VCP: variants seen among roughly 807,000 people sequenced by gnomAD.
The protein encoded by VCP is valosin containing protein.
VCP carries 6 observed loss-of-function variants against 85.7 expected under a neutral mutation model. The ratio of observed to expected loss-of-function variants is 0.07; its 90% CI spans 0.04 to 0.14. The LOEUF (loss-of-function observed/expected upper bound fraction) is 0.14. Ranked by LOEUF, VCP falls within the 10% of genes least tolerant of loss-of-function variation. The pLI is 1.00. For missense variants in VCP, 353 were observed against 1,043.4 expected, an observed-to-expected ratio of 0.34 and a Z score of 9.12; for synonymous variants, 384 against 367.1, an observed-to-expected ratio of 1.05 and a Z score of -0.53.
chr9:35,059,399 A>C lies in VCP; in HGVS notation c.2004+94T>G, dbSNP rs1444682071. On this transcript the variant is annotated intron_variant, in intron 14 of 16. Transcript: ENST00000358901. The surrounding 1 kb of genome is among the most constrained non-coding windows in gnomAD (Gnocchi z 4.9). The stretch of plus-strand genomic sequence containing the variant: ...TCTACCTTCCCTTTAGACCAACCCT[A>C]ACCCCAGTGGAATCTTGTCCAGAAA... 1 of 1,552,466 alleles carries C rather than the reference A, an allele frequency of 6.4e-7. No individual in the cohort carries two copies. The highest frequency in any genetic ancestry group is 1.4e-5 in the African/African-American group (1 of 73,652).
intron 1 of VCP, among the ~76,000 whole-genome samples, chr9:35,070,718 G>A (rs945429840): frequency 6.6e-6 from 1 of 152,222 alleles, no homozygotes; most frequent in Admixed American, 6.5e-5. Context: ...TTACAGGCCT[G>A]AGCCACTGTG....
In VCP at chr9:35,066,745, G is replaced by A. The variant is rs1384433038; in HGVS notation, c.375C>T (p.Gly125=). The A allele has an allele frequency of 1.9e-6, 3 of 1,614,020 alleles. No homozygotes were observed. The highest frequency in any genetic ancestry group is 2.5e-6 in the Non-Finnish European group (3 of 1,180,052). ...ATACCTCGAAGAGATTACCAGTAATGCCTTCCACTGTGTCATCAATGGGCA... is the reference window on the plus strand; with the variant it reads ...ATACCTCGAAGAGATTACCAGTAATACCTTCCACTGTGTCATCAATGGGCA... The part of the protein sequence containing the change: ...HVLPIDDTVE[G]ITGNLFEVYL... Residue 125 remains glycine (G), a synonymous_variant, in exon 4 of 17, where the codon GGC becomes GGT. Coordinates refer to ENST00000358901, the MANE Select transcript of VCP (RefSeq NM_007126.5).
chr9:35,068,446 G>C, intron 1 of VCP, 84 bp from the exon 2 acceptor site: 1 of 1,213,110 alleles, frequency 8.2e-7, no homozygotes, highest in Non-Finnish European at 1.2e-6. Flanking sequence ...GAAAGAAACA[G>C]TGAATAGATG....
intron 7 of VCP, 129 bp downstream of exon 7, chr9:35,062,849 G>A (rs1828752649): frequency 3.4e-6 from 3 of 885,424 alleles, no homozygotes; most frequent in Non-Finnish European, 5.7e-6. Context: ...ACATACCCCA[G>A]CATAAGAAAT....
Position 35,059,984 on chromosome 9 carries a change from T to C in VCP, c.1696-183A>G, listed in dbSNP as rs1728527804. On this transcript the variant is annotated intron_variant, in intron 13 of 16. Transcript: ENST00000358901. This position sits in a 1 kb window ranked among gnomAD's most constrained non-coding sequence, Gnocchi z 4.9. Reference sequence around the variant, plus strand: ...TTTGTCTCTACAAAAAATAAAAAATTAGCCAGATGTGGTGACGCATGCCTA... The same window carrying C: ...TTTGTCTCTACAAAAAATAAAAAATCAGCCAGATGTGGTGACGCATGCCTA... 5 of 776,394 alleles carry C rather than the reference T, an allele frequency of 6.4e-6. No individual in the cohort carries two copies. Among genetic ancestry groups the C allele is most frequent in the East Asian group, 2.7e-5 (1 of 37,316 alleles). 48.1% of individuals were successfully genotyped at this position (776,394 alleles called of 1,614,324 possible). A position where few individuals can be genotyped will look rare whatever the true frequency, so the allele number is the denominator to read the frequency against.
intron 1 of VCP, chr9:35,071,713 C>A: frequency 1.0e-6 from 1 of 986,200 alleles, no homozygotes; most frequent in Middle Eastern, 5.2e-4. Context: ...CGCCCTCTCC[C>A]TAACAGTCCT....
chr9:35,068,112 A>C, intron 2 of VCP, 49 bp from the exon 3 acceptor site: 1 of 1,612,608 alleles, frequency 6.2e-7, no homozygotes, highest in Non-Finnish European at 8.5e-7. Context: ...GACGGGGAGT[A>C]AGCAGCAGCC....
rs1200703743 is a variant in VCP, at chr9:35,060,709, A to G, written c.1482+92T>C. ...TAGGTTCCTAAGTCGTGCTCTCACA[A>G]CTCTTGCAGCAAATGTGTTGACACC... On this transcript the variant is annotated intron_variant, in intron 12 of 16. Transcript: ENST00000358901. 12 of 1,609,320 alleles carry G rather than the reference A, an allele frequency of 7.5e-6. No homozygotes were observed. In the South Asian group the frequency reaches 1.1e-4, roughly 15 times the overall value.
rs2131038867 is a variant in VCP, at chr9:35,066,667, G to A, written c.445+8C>T. The stretch of plus-strand genomic sequence containing the variant: ...TCAATAATCCTTAAGCTCAGAATTA[G>A]CTCTCACCTTTCCGGATGGGTCGAT... On this transcript the variant is annotated splice_region_variant and intron_variant, in intron 4 of 16. Transcript: ENST00000358901. The A allele has an allele frequency of 6.2e-7, 1 of 1,613,984 alleles. No homozygotes were observed. The highest frequency in any genetic ancestry group is 1.7e-5 in the Admixed American group (1 of 60,002).
chr9:35,071,882 C>T, intron 1 of VCP: 1 of 998,858 alleles, frequency 1.0e-6, no homozygotes, highest in South Asian at 4.1e-5. Context: ...GCGCAAAGTC[C>T]ACGCCCACCG....
chr9:35,065,473 C>G, intron 4 of VCP, 92 bp from the exon 5 acceptor site: 1 of 1,552,372 alleles, frequency 6.4e-7, no homozygotes, highest in Non-Finnish European at 8.8e-7. Flanking sequence ...ATGCCAAGCT[C>G]ATTAGATAGT....
rs577476678 is a variant in VCP at position 35,065,168 on chromosome 9, G to A, written c.576+83C>T. ...CAGGTGTCAGCCACCGCAGCCGGCCGAGCACCCAGTCCTGACAGTTACCAC... is the reference window on the plus strand; with the variant it reads ...CAGGTGTCAGCCACCGCAGCCGGCCAAGCACCCAGTCCTGACAGTTACCAC... On this transcript the variant is annotated intron_variant, in intron 5 of 16. Transcript: ENST00000358901. 49 of 1,604,550 alleles carry A rather than the reference G, an allele frequency of 3.1e-5. 1 individual carries two copies. The East Asian group carries it at 7.6e-4, about 25-fold the overall frequency.
chr9:35,057,013 A>G lies in VCP; in HGVS notation c.*104T>C. On this transcript the variant is annotated 3_prime_UTR_variant, in exon 17 of 17. Coordinates refer to ENST00000358901, the MANE Select transcript of VCP (RefSeq NM_007126.5). ...CTGAACTGTTCAGACTGGAGAATGG[A>G]GCAGGCTGTGGGCGCACCCCTGGTC... 9.1e-7 allele frequency: 1 copy of G among 1,103,656 alleles called. No individual in the cohort carries two copies. The highest frequency in any genetic ancestry group is 1.4e-6 in the Non-Finnish European group (1 of 725,150). 68.4% of individuals were successfully genotyped at this position (1,103,656 alleles called of 1,614,324 possible). A position where few individuals can be genotyped will look rare whatever the true frequency, so the allele number is the denominator to read the frequency against.
At chr9:35,066,922 A>C (rs1437769289) in intron 3 of VCP, 105 bp from the exon 4 acceptor site, 6 of 1,576,752 alleles carry the variant, frequency 3.8e-6, no homozygotes, top group Non-Finnish European at 5.2e-6. Context: ...TGAAAAAGAA[A>C]AGGCAGGATG....
chr9:35,071,667 C>T (rs927416717), intron 1 of VCP: 28 of 972,692 alleles, frequency 2.9e-5, no homozygotes, highest in African/African-American at 5.3e-5. Context: ...GAACAACAGG[C>T]CTAAAGTAAG....
At chr9:35,057,935 A>G in intron 15 of VCP, 1 of 314,326 alleles carries the variant, frequency 3.2e-6, no homozygotes, top group Non-Finnish European at 6.1e-6. Context: ...ATAAACCTTA[A>G]TACTTTAAAA....
chr9:35,061,493 C>T (rs74763589), intron 10 of VCP, 84 bp downstream of exon 10: 3 of 1,317,618 alleles, frequency 2.3e-6, no homozygotes, highest in South Asian at 1.2e-5. Context: ...CATCTCCTCA[C>T]ATCTTAACCT....
In VCP at chr9:35,067,909, C is replaced by T. The variant is rs758169026; in HGVS notation, c.284G>A (p.Arg95His). 8.1e-6 allele frequency: 13 copies of T among 1,614,064 alleles called. No individual in the cohort carries two copies. The highest frequency in any genetic ancestry group is 5.9e-6 in the Non-Finnish European group (7 of 1,180,048). Residue 95 changes from arginine (R) to histidine (H), a missense_variant, in exon 3 of 17, where the codon CGC becomes CAC. Coordinates refer to ENST00000358901, the MANE Select transcript of VCP (RefSeq NM_007126.5). ...NRVVRNNLRV[R>H]LGDVISIQPC... Reference sequence around the variant, plus strand: ...CACACACCTGATGACATCCCCTAGGCGTACACGAAGGTTATTCCGAACAAC... The same window carrying T: ...CACACACCTGATGACATCCCCTAGGTGTACACGAAGGTTATTCCGAACAAC...
At position 35,059,459 on chromosome 9, in the gene VCP, G is replaced by T. The variant is rs141223575; in HGVS notation, c.2004+34C>A. On this transcript the variant is annotated intron_variant, in intron 14 of 16. Coordinates refer to ENST00000358901, the MANE Select transcript of VCP (RefSeq NM_007126.5). The surrounding 1 kb of genome is among the most constrained non-coding windows in gnomAD (Gnocchi z 4.9). ...ACTCCGTACCAGCCTGAGGACTCAT[G>T]CAAGTCTCCCACAGCCCATGATCTT... The T allele has an allele frequency of 1.8e-4, 293 of 1,612,122 alleles. No homozygotes were observed. The African/African-American group carries it at 3.6e-3, about 20-fold the overall frequency.
Sources: gnomAD v4.1 joint callset for allele counts (sites outside exome capture counted in the v4.1 genomes callset) on GRCh38, gnomAD v4.1.1 for gene constraint, Gnocchi (gnomAD v3.1) non-coding constraint, MANE v1.5 for transcripts, NCBI Gene and HGNC (gene_info 2026-07-23, HGNC 2026-07-21) for gene names.